Variants in KCNQ1 observed in about 807,000 individuals in gnomAD.
KCNQ1 encodes the protein potassium voltage-gated channel subfamily KQT member 1.
KCNQ1 carries 49 observed loss-of-function variants against 72.4 expected under a neutral mutation model. The observed-to-expected ratio is 0.68, with a 90% CI of 0.54 to 0.86. The LOEUF is 0.86. Ranked by LOEUF, KCNQ1 falls within the 40% of genes least tolerant of loss-of-function variation. The pLI, the probability that KCNQ1 is intolerant of heterozygous loss-of-function variation, is 0.00. For synonymous variants in KCNQ1, 450 were observed against 412.6 expected (o/e 1.09, Z -1.10); for missense variants, 790 against 945.1 (o/e 0.84, Z 2.15).
intron 11 of KCNQ1, chr11:2,662,367 T>C (rs1849975586): frequency 1.8e-6 from 1 of 550,816 alleles, no homozygotes; most frequent in East Asian, 2.9e-5. Flanking sequence ...AGATTGTTTT[T>C]CTCTCCCCCA....
intron 15 of KCNQ1, among the ~76,000 whole-genome samples, chr11:2,798,172 C>G (rs577804374): frequency 6.6e-6 from 1 of 152,164 alleles, no homozygotes; most frequent in Non-Finnish European, 1.5e-5. Flanking sequence ...ATGGTGCAAA[C>G]CCACATGGCA....
At chr11:2,587,516 G>A (rs1848608321) in intron 8 of KCNQ1, 54 bp from the exon 9 acceptor site, 2 of 1,610,872 alleles carry the variant, frequency 1.2e-6, no homozygotes, top group Non-Finnish European at 1.7e-6. Context: ...CTTCCATAAG[G>A]GCCCCCGCCG....
chr11:2,744,105 C>T (rs1190636910), intron 11 of KCNQ1, among the ~76,000 whole-genome samples: 3 of 152,220 alleles, frequency 2.0e-5, no homozygotes, highest in Non-Finnish European at 2.9e-5. Context: ...CCCTCTTGGC[C>T]GCATTCTGAA....
Position 2,627,614 on chromosome 11 carries a change from C to G in KCNQ1, c.1394-34347C>G. 2.5e-6 allele frequency: 1 copy of G among 398,434 alleles called. No homozygotes were observed. Among genetic ancestry groups the G allele is most frequent in the Non-Finnish European group, 4.4e-6 (1 of 226,068 alleles). The allele number at this position is 398,434 out of a possible 1,614,324, so 24.7% of individuals were successfully genotyped here. ...TATCCTCCAGGTTCATCTATGTTGT[C>G]ATAAATTGCATGATTTCCTGCTTTT... On this transcript the variant is annotated intron_variant, in intron 10 of 15. Coordinates refer to ENST00000155840, the MANE Select transcript of KCNQ1 (RefSeq NM_000218.3). The surrounding 1 kb of genome is among the most constrained non-coding windows in gnomAD (Gnocchi z 4.9).
At chr11:2,847,101 C>G (rs565957342) in intron 15 of KCNQ1, among the ~76,000 whole-genome samples, 1 of 151,800 alleles carries the variant, frequency 6.6e-6, no homozygotes, top group Admixed American at 6.6e-5. Context: ...ACAAAAAAAC[C>G]CACCCCCACC....
chr11:2,799,802 T>C (rs78768485), intron 15 of KCNQ1, among the ~76,000 whole-genome samples: 11,132 of 152,060 alleles, frequency 0.073, 1,338 homozygotes, highest in African/African-American at 0.25. Flanking sequence ...CTCAGTAGAG[T>C]TGTACAGAGT....
At position 2,588,835 on chromosome 11, in the gene KCNQ1, C is replaced by T. The variant is rs778598703; in HGVS notation, c.1374C>T (p.Val458=). The change falls in exon 10 of 16, where the codon GTC becomes GTT. Residue 458 remains valine (V), a synonymous_variant. Coordinates refer to ENST00000155840, the MANE Select transcript of KCNQ1 (RefSeq NM_000218.3). The surrounding 1 kb of genome is among the most constrained non-coding windows in gnomAD (Gnocchi z 5.6). The part of the protein sequence containing the change: ...PEERRLDHFS[V]DGYDSSVRKS... The stretch of plus-strand genomic sequence containing the variant: ...AGCGGCGGCTGGACCACTTCTCTGT[C>T]GACGGCTATGACAGTTCTGGTGAGA... 2.7e-5 allele frequency: 44 copies of T among 1,612,068 alleles called. No individual in the cohort carries two copies. The highest frequency in any genetic ancestry group is 2.0e-4 in the South Asian group (18 of 90,976).
chr11:2,528,618 C>T (rs928190731), intron 2 of KCNQ1, among the ~76,000 whole-genome samples: 10 of 152,364 alleles, frequency 6.6e-5, no homozygotes, highest in South Asian at 2.1e-4. Context: ...CTGGAGCCCA[C>T]GGGGTCCCCA....
chr11:2,798,485 G>A lies in KCNQ1; in HGVS notation c.1794+20448G>A, dbSNP rs1050546285. On this transcript the variant is annotated intron_variant, in intron 15 of 15. Coordinates refer to ENST00000155840, the MANE Select transcript of KCNQ1 (RefSeq NM_000218.3). Reference sequence around the variant, plus strand: ...CAAAAACAGCTGTAGAGGGGTTTGCGGCAGCAGCAGCAGACGTTTTTAAAC... The same window carrying A: ...CAAAAACAGCTGTAGAGGGGTTTGCAGCAGCAGCAGCAGACGTTTTTAAAC... 5.1e-4 allele frequency among the ~76,000 whole-genome samples: 77 copies of A among 152,016 alleles called. 1 individual carries two copies. Among genetic ancestry groups the A allele is most frequent in the Non-Finnish European group, 1.6e-4 (11 of 68,006 alleles).
rs1019414719 is a variant in KCNQ1 at position 2,670,329 on chromosome 11, G to C, written c.1514+8248G>C. On this transcript the variant is annotated intron_variant, in intron 11 of 15. Transcript: ENST00000155840. This position sits in a 1 kb window ranked among gnomAD's most constrained non-coding sequence, Gnocchi z 4.9. Reference sequence around the variant, plus strand: ...AGAGATAATCTCAAATATGGTAGCAGAGTTCAGACTCAGTGGCTTTCAGAT... The same window carrying C: ...AGAGATAATCTCAAATATGGTAGCACAGTTCAGACTCAGTGGCTTTCAGAT... The C allele has an allele frequency of 2.5e-6, 1 of 398,462 alleles. No homozygotes were observed. The highest frequency in any genetic ancestry group is 2.1e-5 in the African/African-American group (1 of 48,600). 24.7% of individuals were successfully genotyped at this position (398,462 alleles called of 1,614,324 possible).
intron 15 of KCNQ1, among the ~76,000 whole-genome samples, chr11:2,807,148 C>T (rs897517050): frequency 6.6e-6 from 1 of 152,178 alleles, no homozygotes; most frequent in African/African-American, 2.4e-5. Context: ...TGGAAGTCTG[C>T]TAATTATTCT....
chr11:2,801,966 C>T (rs1847275135), intron 15 of KCNQ1, among the ~76,000 whole-genome samples: 1 of 152,240 alleles, frequency 6.6e-6, no homozygotes, highest in African/African-American at 2.4e-5. Context: ...ACAGAAAAAG[C>T]CAGAGCAGGG....
rs1332520261 is a variant in KCNQ1, at chr11:2,808,202, G to C, written c.1794+30165G>C. Among the ~76,000 whole-genome samples the C allele has an allele frequency of 6.6e-6, 1 of 152,194 alleles. No individual in the cohort carries two copies. The highest frequency in any genetic ancestry group is 1.5e-5 in the Non-Finnish European group (1 of 68,036). On this transcript the variant is annotated intron_variant, in intron 15 of 15. Transcript: ENST00000155840. This position sits in a 1 kb window ranked among gnomAD's most constrained non-coding sequence, Gnocchi z 6.0. ...GATGCCATCTGCCCAGGGCATTGAG[G>C]GTGAACCCATCCAGGCTGGCCCGCC...
Position 2,464,229 on chromosome 11 carries a change from C to T in KCNQ1, c.386+18745C>T, listed in dbSNP as rs1216672573. ...CATGGACGTCCAGGTGTGGAATGGCCCGGACAGCAGATAACAAGCCTTCGT... is the reference window on the plus strand; with the variant it reads ...CATGGACGTCCAGGTGTGGAATGGCTCGGACAGCAGATAACAAGCCTTCGT... On this transcript the variant is annotated intron_variant, in intron 1 of 15. Coordinates refer to ENST00000155840, the MANE Select transcript of KCNQ1 (RefSeq NM_000218.3). The surrounding 1 kb of genome is among the most constrained non-coding windows in gnomAD (Gnocchi z 5.0). 2.0e-5 allele frequency among the ~76,000 whole-genome samples: 3 copies of T among 152,110 alleles called. No homozygotes were observed. The highest frequency in any genetic ancestry group is 7.2e-5 in the African/African-American group (3 of 41,392).
intron 11 of KCNQ1, among the ~76,000 whole-genome samples, chr11:2,700,346 C>T (rs544750640): frequency 6.6e-6 from 1 of 152,250 alleles, no homozygotes; most frequent in African/African-American, 2.4e-5. Flanking sequence ...GCTGGAGACA[C>T]GGGCCAGTTC....
intron 2 of KCNQ1, among the ~76,000 whole-genome samples, chr11:2,539,214 G>A (rs1847783959): frequency 6.6e-6 from 1 of 152,214 alleles, no homozygotes; most frequent in Non-Finnish European, 1.5e-5. Flanking sequence ...GCCCCCTGAA[G>A]GAAAAGGGGA....
At position 2,834,161 on chromosome 11, in the gene KCNQ1, GTGGTGTGGCACA is replaced by G. The variant is rs539030517; in HGVS notation, c.1795-13590_1795-13579del. Among the ~76,000 whole-genome samples, 1,012 of 152,328 alleles carry G rather than the reference GTGGTGTGGCACA, an allele frequency of 6.6e-3. 4 individuals carry two copies. Among genetic ancestry groups the G allele is most frequent in the Non-Finnish European group, 0.011 (720 of 68,018 alleles). On this transcript the variant is annotated intron_variant, in intron 15 of 15. Transcript: ENST00000155840. ...ATGGCATGGTGGTGGCATGGTGGGA[GTGGTGTGGCACA>G]TGGTGTGGCACATGGCATGGCTGGG...
At chr11:2,584,327 GTGTT>G (rs1425184022) in intron 7 of KCNQ1, among the ~76,000 whole-genome samples, 4 of 152,176 alleles carry the variant, frequency 2.6e-5, no homozygotes, top group African/African-American at 9.7e-5. Context: ...GCTTGTGTTA[GTGTT>G]TGTGTGTTAG....
chr11:2,700,194 C>T (rs1304007007), intron 11 of KCNQ1, among the ~76,000 whole-genome samples: 1 of 152,206 alleles, frequency 6.6e-6, no homozygotes, highest in Non-Finnish European at 1.5e-5. Flanking sequence ...TCAGATTGGC[C>T]CAGCGGGTCC....
Sources: gnomAD v4.1 joint callset for allele counts (sites outside exome capture counted in the v4.1 genomes callset) on GRCh38, gnomAD v4.1.1 for gene constraint, Gnocchi (gnomAD v3.1) non-coding constraint, MANE v1.5 for transcripts, NCBI Gene and HGNC (gene_info 2026-07-23, HGNC 2026-07-21) for gene names.